The following VPS13D variants were observed in gnomAD, a reference collection of about 807,000 sequenced individuals.
VPS13D encodes the protein intermembrane lipid transfer protein VPS13D.
VPS13D carries 187 observed loss-of-function variants against 461.9 expected under a neutral mutation model. The observed-to-expected ratio is 0.40, with a 90% confidence interval of 0.36 to 0.46. The LOEUF (loss-of-function observed/expected upper bound fraction) is 0.46, where lower values mean the gene tolerates loss of function less well. Ranked by LOEUF, VPS13D falls within the 20% of genes least tolerant of loss-of-function variation. The pLI, the probability that VPS13D is intolerant of heterozygous loss-of-function variation, is 0.60. For missense variants in VPS13D, 4,711 were observed against 5,364.9 expected, an observed-to-expected ratio of 0.88 and a Z score of 3.81; for synonymous variants, 1,951 against 1,986.3, an observed-to-expected ratio of 0.98 and a Z score of 0.47.
At chr1:12,243,182 T>C (rs576518752) in intron 3 of VPS13D, among the ~76,000 whole-genome samples, 6 of 152,140 alleles carry the variant, frequency 3.9e-5, no homozygotes, top group Non-Finnish European at 8.8e-5. Flanking sequence ...CTTGAACTCC[T>C]GACCTCAGGT....
chr1:12,324,866 C>T (rs902635945), intron 35 of VPS13D, among the ~76,000 whole-genome samples: 1 of 152,188 alleles, frequency 6.6e-6, no homozygotes, highest in African/African-American at 2.4e-5. Flanking sequence ...ATTATTCCCA[C>T]TTGAAATGAG....
At position 12,349,053 on chromosome 1, in the gene VPS13D, T is replaced by C; in HGVS notation, c.9220+80T>C. ...TGTCAAGTCTCTTTTTCCCCAGTGG[T>C]ATCTTCCCCAGCAGTCAGTATATAT... is the stretch of plus-strand genomic sequence containing the variant. On this transcript the variant is annotated intron_variant, in intron 45 of 69. Coordinates refer to ENST00000620676, the MANE Select transcript of VPS13D (RefSeq NM_015378.4). The C allele has an allele frequency of 2.5e-6, 4 of 1,608,994 alleles. No homozygotes were observed. The South Asian group carries it at 3.3e-5, about 13-fold the overall frequency.
chr1:12,244,745 C>T (rs1177096694), intron 5 of VPS13D, 128 bp downstream of exon 5: 1 of 810,978 alleles, frequency 1.2e-6, no homozygotes, highest in African/African-American at 1.7e-5. Context: ...GGGCTGGCTG[C>T]TCAGGTCTGC....
intron 25 of VPS13D, among the ~76,000 whole-genome samples, 182 bp from the exon 26 acceptor site, chr1:12,304,324 C>T (rs1359516359): frequency 6.6e-6 from 1 of 152,102 alleles, no homozygotes; most frequent in African/African-American, 2.4e-5. Flanking sequence ...CAGTAAATGT[C>T]GTGATCCTGG....
intron 16 of VPS13D, 72 bp from the exon 17 acceptor site, chr1:12,270,922 A>G: frequency 9.6e-6 from 15 of 1,570,436 alleles, no homozygotes; most frequent in Non-Finnish European, 1.2e-5. Context: ...TCTTGGTGAG[A>G]ATTGATGTAG....
intron 65 of VPS13D, among the ~76,000 whole-genome samples, chr1:12,449,696 CTAG>C (rs1399794630): frequency 6.6e-6 from 1 of 152,114 alleles, no homozygotes; most frequent in Admixed American, 6.5e-5. Flanking sequence ...GATGGTTTTC[CTAG>C]TAGTATACCA....
At chr1:12,296,447 T>C (rs1483911278) in intron 24 of VPS13D, among the ~76,000 whole-genome samples, 1 of 152,228 alleles carries the variant, frequency 6.6e-6, no homozygotes, top group African/African-American at 2.4e-5. Flanking sequence ...TAAAACACTG[T>C]AATTTTATAC....
chr1:12,424,710 C>G (rs1356240126), intron 65 of VPS13D, among the ~76,000 whole-genome samples: 2 of 152,106 alleles, frequency 1.3e-5, no homozygotes, highest in Non-Finnish European at 2.9e-5. Flanking sequence ...GTTTTTGAAA[C>G]AGAAAGAAAA....
chr1:12,258,699 T>C (rs1174919518), intron 10 of VPS13D, among the ~76,000 whole-genome samples: 1 of 152,230 alleles, frequency 6.6e-6, no homozygotes, highest in Non-Finnish European at 1.5e-5. Context: ...ATTGCTTTGC[T>C]TCTTGTTTTA....
At chr1:12,300,586 G>A (rs1403643174) in intron 25 of VPS13D, among the ~76,000 whole-genome samples, 3 of 152,106 alleles carry the variant, frequency 2.0e-5, no homozygotes, top group African/African-American at 7.2e-5. Context: ...CAAAGGACAT[G>A]ATTTCATTCT....
chr1:12,329,972 G>T lies in VPS13D; in HGVS notation c.8287+54G>T, dbSNP rs375662975. 2.7e-6 allele frequency: 4 copies of T among 1,461,396 alleles called. No individual in the cohort carries two copies. In the African/African-American group the frequency reaches 4.2e-5, roughly 15 times the overall value. 90.5% of individuals were successfully genotyped at this position (1,461,396 alleles called of 1,614,324 possible). ...ATTTAAAAAATAAATTTAAATGTTTGCCTGGACCTATTGCTACGTAAATTT... is the reference window on the plus strand; with the variant it reads ...ATTTAAAAAATAAATTTAAATGTTTTCCTGGACCTATTGCTACGTAAATTT... On this transcript the variant is annotated intron_variant, in intron 37 of 69. Coordinates refer to ENST00000620676, the MANE Select transcript of VPS13D (RefSeq NM_015378.4).
At position 12,230,062 on chromosome 1, in the gene VPS13D, G is replaced by C. The variant is rs1344937850; in HGVS notation, c.-135G>C. 1.3e-5 allele frequency: 2 copies of C among 151,906 alleles called. No homozygotes were observed. Among genetic ancestry groups the C allele is most frequent in the East Asian group, 1.9e-4 (1 of 5,160 alleles). 9.4% of individuals were successfully genotyped at this position (151,906 alleles called of 1,614,324 possible). On this transcript the variant is annotated 5_prime_UTR_variant, in exon 1 of 70. Coordinates refer to ENST00000620676, the MANE Select transcript of VPS13D (RefSeq NM_015378.4). ...CCGCGGGCCTGCGCCATTGAGGAGC[G>C]GCGGGGAGGAAACGCCGCGCAGCGC... is the stretch of plus-strand genomic sequence containing the variant.
intron 67 of VPS13D, among the ~76,000 whole-genome samples, chr1:12,481,023 C>T (rs1452900749): frequency 1.3e-5 from 2 of 152,212 alleles, no homozygotes; most frequent in Non-Finnish European, 2.9e-5. Flanking sequence ...GACACAGGCA[C>T]CTGCCCTCTC....
Position 12,509,085 on chromosome 1 carries a change from C to G in VPS13D, c.*61C>G, listed in dbSNP as rs1646152218. ...GCAGACCCACCAGGAGGAAAGAGGC[C>G]CAGCTCTCAGCTGACGATGGAGGCA... On this transcript the variant is annotated 3_prime_UTR_variant, in exon 70 of 70. Transcript: ENST00000620676. 2 of 1,574,000 alleles carry G rather than the reference C, an allele frequency of 1.3e-6. No homozygotes were observed. The highest frequency in any genetic ancestry group is 1.7e-6 in the Non-Finnish European group (2 of 1,160,616).
intron 67 of VPS13D, among the ~76,000 whole-genome samples, chr1:12,483,385 G>T (rs931379838): frequency 6.6e-6 from 1 of 152,164 alleles, no homozygotes; most frequent in African/African-American, 2.4e-5. Context: ...TCGTGTTTCA[G>T]TTGGCCATTT....
In VPS13D at chr1:12,299,402, A is replaced by G. The variant is rs748181979; in HGVS notation, c.6216+18A>G. ...AAGATAAGGTGAGCAATCAGTATCC[A>G]TTTCCTTTTCCGTTCAGCTAGTATT... On this transcript the variant is annotated intron_variant, in intron 25 of 69. Transcript: ENST00000620676. The surrounding 1 kb of genome is among the most constrained non-coding windows in gnomAD (Gnocchi z 4.2). The G allele has an allele frequency of 1.8e-5, 29 of 1,587,394 alleles. No individual in the cohort carries two copies. The highest frequency in any genetic ancestry group is 2.4e-5 in the Non-Finnish European group (28 of 1,170,116).
intron 60 of VPS13D, among the ~76,000 whole-genome samples, chr1:12,391,153 C>T (rs1644421865): frequency 6.6e-6 from 1 of 152,270 alleles, no homozygotes; most frequent in African/African-American, 2.4e-5. Context: ...CTGGCCATTT[C>T]TTCTTCCATG....
rs1173326691 is a variant in VPS13D at position 12,341,853 on chromosome 1, G to C, written c.8700G>C (p.Leu2900Phe). ...FALRNHTGCT[L>F]WFATLTTTPT... The stretch of plus-strand genomic sequence containing the variant: ...TGAGGAACCACACGGGGTGCACTTT[G>C]TGGTTTGCCACCCTGACCACCACAC... The change falls in exon 41 of 70, where the codon TTG becomes TTC. Residue 2900 changes from leucine (L) to phenylalanine (F), a missense_variant. Physicochemically the swap from Leu to Phe is conservative, Grantham distance 22. This residue lies in a region of VPS13D where 4,411 missense variants were observed against 4,937.8 expected (regional missense o/e 0.89). Transcript: ENST00000620676. The C allele has an allele frequency of 6.2e-7, 1 of 1,614,080 alleles. No individual in the cohort carries two copies. Among genetic ancestry groups the C allele is most frequent in the Non-Finnish European group, 8.5e-7 (1 of 1,179,990 alleles).
At chr1:12,349,666 C>T (rs1401153268) in intron 46 of VPS13D, among the ~76,000 whole-genome samples, 6 of 151,938 alleles carry the variant, frequency 3.9e-5, no homozygotes, top group Admixed American at 6.6e-5. Context: ...CATATAGAGA[C>T]GGGAAGGAAA....
Sources: allele counts gnomAD v4.1 joint callset (sites outside exome capture counted in the v4.1 genomes callset), GRCh38; gene constraint gnomAD v4.1.1; regional missense constraint gnomAD v4.1.1; non-coding constraint Gnocchi (gnomAD v3.1); transcripts MANE v1.5; gene names NCBI Gene and HGNC (gene_info 2026-07-23, HGNC 2026-07-21).